Variants in POU6F2 observed in about 807,000 individuals in gnomAD.
The protein encoded by POU6F2 is POU class 6 homeobox 2.
In POU6F2, 31 loss-of-function variants were observed where a neutral mutation model predicts 71.3. The ratio of observed to expected loss-of-function variants is 0.43; its 90% CI spans 0.33 to 0.59. The LOEUF (loss-of-function observed/expected upper bound fraction) is 0.59, where lower values mean the gene tolerates loss of function less well. Ranked by LOEUF, POU6F2 falls within the 20% of genes least tolerant of loss-of-function variation. POU6F2 has a pLI of 0.04. For missense variants in POU6F2, 783 were observed against 856.8 expected, an observed-to-expected ratio of 0.91 and a Z score of 1.07; for synonymous variants, 347 against 355.7, an observed-to-expected ratio of 0.98 and a Z score of 0.27.
At chr7:39,309,903 G>A (rs1785128159) in intron 4 of POU6F2, among the ~76,000 whole-genome samples, 1 of 152,112 alleles carries the variant, frequency 6.6e-6, no homozygotes, top group African/African-American at 2.4e-5. Context: ...TTGTAGTTTT[G>A]AATGCACAGG....
intron 1 of POU6F2, among the ~76,000 whole-genome samples, chr7:38,980,958 C>T (rs570344754): frequency 7.9e-5 from 12 of 152,224 alleles, no homozygotes; most frequent in African/African-American, 2.2e-4. Context: ...TATGCCTTTC[C>T]CCTAGGATTT....
chr7:39,162,660 G>A (rs1056511659), intron 2 of POU6F2, among the ~76,000 whole-genome samples: 2 of 152,156 alleles, frequency 1.3e-5, no homozygotes, highest in East Asian at 1.9e-4. Flanking sequence ...CATAAGTAAC[G>A]TGCCAAACTA....
At chr7:39,278,087 G>A (rs1784486238) in intron 4 of POU6F2, among the ~76,000 whole-genome samples, 2 of 75,984 alleles carry the variant, frequency 2.6e-5, no homozygotes. Flanking sequence ...AAGCGAGAAA[G>A]AGAGGGAGGG....
intron 4 of POU6F2, among the ~76,000 whole-genome samples, chr7:39,276,742 G>T (rs1784447106): frequency 6.6e-6 from 1 of 151,980 alleles, no homozygotes; most frequent in African/African-American, 2.4e-5. Context: ...ATGAGTTCAT[G>T]TCCTTTGTAG....
intron 4 of POU6F2, among the ~76,000 whole-genome samples, chr7:39,332,854 C>G (rs1356831846): frequency 1.3e-5 from 2 of 152,110 alleles, no homozygotes; most frequent in Non-Finnish European, 1.5e-5. Flanking sequence ...ATGGAGAGCT[C>G]AGTGTTTTGG....
chr7:39,234,582 G>T (rs1477553376), intron 4 of POU6F2, among the ~76,000 whole-genome samples: 1 of 152,122 alleles, frequency 6.6e-6, no homozygotes. Context: ...ATCACAGTGT[G>T]ATCCTTCTGG....
intron 5 of POU6F2, among the ~76,000 whole-genome samples, chr7:39,374,191 C>T (rs970401711): frequency 1.3e-5 from 2 of 152,138 alleles, no homozygotes; most frequent in African/African-American, 4.8e-5. Flanking sequence ...ATTATACATG[C>T]CAAGCACTTG....
rs574323674 is a variant in POU6F2, at chr7:39,369,076, G to T, written c.972+29061G>T. ...GAGTTGTTTCTCAAGGATAAGTGAA[G>T]AAAGTGGTTCCTTGAGATGGAATCT... On this transcript the variant is annotated intron_variant, in intron 5 of 9. Coordinates refer to ENST00000518318, the MANE Select transcript of POU6F2 (RefSeq NM_001370959.1). Among the ~76,000 whole-genome samples, 5 of 152,326 alleles carry T rather than the reference G, an allele frequency of 3.3e-5. No individual in the cohort carries two copies. The East Asian group carries it at 9.6e-4, about 29-fold the overall frequency.
chr7:39,348,524 A>C (rs919875500), intron 5 of POU6F2, among the ~76,000 whole-genome samples: 2 of 152,184 alleles, frequency 1.3e-5, no homozygotes, highest in Admixed American at 6.5e-5. Flanking sequence ...CAAAGAAACT[A>C]AGTCTCAGAA....
intron 1 of POU6F2, among the ~76,000 whole-genome samples, chr7:38,988,823 T>C (rs2116615757): frequency 6.6e-6 from 1 of 152,240 alleles, no homozygotes; most frequent in South Asian, 2.1e-4. Context: ...AAATCCTTAA[T>C]CATATGCAAA....
At chr7:39,373,071 T>C (rs1786644728) in intron 5 of POU6F2, among the ~76,000 whole-genome samples, 1 of 152,202 alleles carries the variant, frequency 6.6e-6, no homozygotes, top group African/African-American at 2.4e-5. Flanking sequence ...TGCTTAGCCC[T>C]TTTATGCCTT....
chr7:39,004,170 T>G (rs1348898923), intron 1 of POU6F2, among the ~76,000 whole-genome samples: 2 of 152,212 alleles, frequency 1.3e-5, no homozygotes, highest in Non-Finnish European at 2.9e-5. Context: ...ACCCAGTGCC[T>G]TAAGGAAACA....
intron 1 of POU6F2, among the ~76,000 whole-genome samples, chr7:38,981,663 G>A (rs117595524): frequency 0.017 from 2,531 of 152,276 alleles, 35 homozygotes; most frequent in Admixed American, 0.029. Flanking sequence ...TAGTAGAAGA[G>A]AGAAGAGACC....
At chr7:39,448,522 C>T (rs937555397) in intron 7 of POU6F2, among the ~76,000 whole-genome samples, 4 of 152,094 alleles carry the variant, frequency 2.6e-5, no homozygotes, top group African/African-American at 9.7e-5. Flanking sequence ...TCTTAGATTC[C>T]TTTTGACTCT....
chr7:39,030,609 C>A (rs1789920885), intron 1 of POU6F2, among the ~76,000 whole-genome samples: 1 of 144,490 alleles, frequency 6.9e-6, no homozygotes, highest in Non-Finnish European at 1.5e-5. Flanking sequence ...TACTGAAGGA[C>A]AATTTGATAC....
chr7:39,338,660 T>G (rs1374602954), intron 4 of POU6F2, among the ~76,000 whole-genome samples: 1 of 152,254 alleles, frequency 6.6e-6, no homozygotes, highest in African/African-American at 2.4e-5. Flanking sequence ...TGTTTATTTG[T>G]TCATGGGCTT....
chr7:39,384,567 CA>C (rs34812278), intron 5 of POU6F2, among the ~76,000 whole-genome samples: 81,642 of 151,420 alleles, frequency 0.54, 22,400 homozygotes, highest in East Asian at 0.75. Context: ...CAAAAAATGA[CA>C]AAAAAAAAGC....
At chr7:39,218,439 G>A (rs181697055) in intron 4 of POU6F2, among the ~76,000 whole-genome samples, 1 of 152,266 alleles carries the variant, frequency 6.6e-6, no homozygotes, top group African/African-American at 2.4e-5. Flanking sequence ...TGCTCTCCAA[G>A]AAAACCGTAT....
chr7:39,330,433 C>T (rs755029374), intron 4 of POU6F2, among the ~76,000 whole-genome samples: 2 of 152,168 alleles, frequency 1.3e-5, no homozygotes, highest in Admixed American at 6.5e-5. Context: ...TTCCCTTCCA[C>T]GTGGTCAAGG....
Sources: allele counts gnomAD v4.1 joint callset (sites outside exome capture counted in the v4.1 genomes callset), GRCh38; gene constraint gnomAD v4.1.1; transcripts MANE v1.5; gene names NCBI Gene and HGNC (gene_info 2026-07-23, HGNC 2026-07-21).